Variants in CSMD1 observed in about 807,000 individuals in gnomAD.
CSMD1 encodes the protein CUB and sushi domain-containing protein 1.
In CSMD1, 213 loss-of-function variants were observed where a neutral mutation model predicts 417.5. That is an observed-to-expected ratio of 0.51 (90% CI 0.46 to 0.57). CSMD1 has a LOEUF of 0.57. CSMD1 is among the 20% of genes least tolerant of loss of function. The probability of loss-of-function intolerance (pLI) is 0.00; values close to 1 mark genes in which losing one functional copy is unlikely to be tolerated. For missense variants in CSMD1, 6,923 were observed against 4,529.7 expected (o/e 1.53, Z -15.17); for synonymous variants, 2,862 against 1,736.8 (o/e 1.65, Z -16.11).
chr8:4,936,876 G>C (rs951563357), intron 1 of CSMD1, among the ~76,000 whole-genome samples: 4 of 152,092 alleles, frequency 2.6e-5, no homozygotes, highest in Admixed American at 6.5e-5. Flanking sequence ...TAGGTTTTTT[G>C]TTCAAATTAT....
chr8:4,315,943 T>C (rs1255107824), intron 3 of CSMD1, among the ~76,000 whole-genome samples: 2 of 152,190 alleles, frequency 1.3e-5, no homozygotes, highest in African/African-American at 2.4e-5. Flanking sequence ...AACCTTCTCT[T>C]AACTCCTAAA....
intron 23 of CSMD1, among the ~76,000 whole-genome samples, chr8:3,322,453 A>G (rs946662798): frequency 1.3e-5 from 2 of 152,144 alleles, no homozygotes; most frequent in African/African-American, 4.8e-5. Context: ...AAATAGGCCT[A>G]TTTCATATAG....
chr8:3,050,378 G>C (rs950374123), intron 50 of CSMD1, among the ~76,000 whole-genome samples: 5 of 152,106 alleles, frequency 3.3e-5, no homozygotes, highest in African/African-American at 1.2e-4. Flanking sequence ...TAAGCTATTT[G>C]AAATATTTGG....
chr8:2,946,405 C>A (rs1011113228), intron 68 of CSMD1, among the ~76,000 whole-genome samples: 7 of 152,178 alleles, frequency 4.6e-5, no homozygotes, highest in Admixed American at 4.6e-4. Context: ...TTCATCCCAA[C>A]CTTCAACCCA....
chr8:3,528,841 GAA>G (rs1797861694), intron 10 of CSMD1, among the ~76,000 whole-genome samples: 1 of 152,144 alleles, frequency 6.6e-6, no homozygotes, highest in African/African-American at 2.4e-5. Flanking sequence ...TTAAACATAA[GAA>G]TGCCAACTAA....
chr8:3,478,211 C>T (rs2117229759), intron 11 of CSMD1, among the ~76,000 whole-genome samples: 1 of 152,300 alleles, frequency 6.6e-6, no homozygotes, highest in East Asian at 1.9e-4. Context: ...TTTACAATCG[C>T]TATTTTAAAT....
At chr8:4,879,732 G>C (rs1803276564) in intron 1 of CSMD1, among the ~76,000 whole-genome samples, 1 of 151,922 alleles carries the variant, frequency 6.6e-6, no homozygotes, top group Non-Finnish European at 1.5e-5. Context: ...AAAGGGATTG[G>C]GACTTTCATA....
intron 5 of CSMD1, among the ~76,000 whole-genome samples, chr8:3,857,572 T>C (rs1375283633): frequency 1.3e-5 from 2 of 152,192 alleles, no homozygotes; most frequent in Non-Finnish European, 2.9e-5. Context: ...ACACCTGTTC[T>C]GTTTCTACGC....
At chr8:4,588,430 A>T (rs2130722958) in intron 2 of CSMD1, among the ~76,000 whole-genome samples, 1 of 151,154 alleles carries the variant, frequency 6.6e-6, no homozygotes, top group African/African-American at 2.4e-5. Flanking sequence ...CTTCCTCTAG[A>T]TAGTACAGCC....
rs565111963 is a variant in CSMD1 at position 3,020,221 on chromosome 8, C to T, written c.7856-1571G>A. On this transcript the variant is annotated intron_variant, in intron 51 of 69. Coordinates refer to ENST00000635120, the MANE Select transcript of CSMD1 (RefSeq NM_033225.6). The stretch of plus-strand genomic sequence containing the variant: ...TTAGATTCAAACGGAAGCCATCCCT[C>T]GCACATAAGCAGGCTTAATCAGGGT... 4.6e-5 allele frequency among the ~76,000 whole-genome samples: 7 copies of T among 152,206 alleles called. No individual in the cohort carries two copies. In the South Asian group the frequency reaches 1.2e-3, roughly 27 times the overall value.
At chr8:4,062,044 C>T (rs1261490036) in intron 3 of CSMD1, among the ~76,000 whole-genome samples, 1 of 152,104 alleles carries the variant, frequency 6.6e-6, no homozygotes, top group East Asian at 1.9e-4. Flanking sequence ...GGTGAAAATG[C>T]AGAGTGCCAG....
chr8:4,282,743 A>G (rs1796856555), intron 3 of CSMD1, among the ~76,000 whole-genome samples: 1 of 152,196 alleles, frequency 6.6e-6, no homozygotes, highest in Non-Finnish European at 1.5e-5. Flanking sequence ...ACTTGTAGCA[A>G]TAGTATGTTT....
At chr8:4,603,059 T>C (rs1476288410) in intron 2 of CSMD1, among the ~76,000 whole-genome samples, 1 of 152,046 alleles carries the variant, frequency 6.6e-6, no homozygotes, top group Admixed American at 6.5e-5. Context: ...ACTAAAAGTA[T>C]AATTTGAATT....
At chr8:4,171,383 T>G (rs866982199) in intron 3 of CSMD1, among the ~76,000 whole-genome samples, 2 of 151,926 alleles carry the variant, frequency 1.3e-5, no homozygotes, top group Non-Finnish European at 2.9e-5. Context: ...CAATTTCTTA[T>G]GGTATTTATT....
chr8:3,399,194 C>T (rs932576011), intron 16 of CSMD1, among the ~76,000 whole-genome samples, 197 bp downstream of exon 16: 2 of 152,192 alleles, frequency 1.3e-5, no homozygotes, highest in African/African-American at 2.4e-5. Context: ...ACCTCCAGAG[C>T]ATTGGCTCAC....
intron 2 of CSMD1, among the ~76,000 whole-genome samples, chr8:4,450,780 G>A (rs1203051810): frequency 6.6e-6 from 1 of 152,112 alleles, no homozygotes; most frequent in African/African-American, 2.4e-5. Flanking sequence ...AGCAAGTATT[G>A]TATTTTCATT....
intron 5 of CSMD1, among the ~76,000 whole-genome samples, chr8:3,799,906 A>C (rs1800365957): frequency 6.6e-6 from 1 of 152,200 alleles, no homozygotes; most frequent in African/African-American, 2.4e-5. Context: ...TTGAAAAATT[A>C]ATGCAACTTT....
intron 52 of CSMD1, among the ~76,000 whole-genome samples, chr8:3,008,591 C>T (rs974031922): frequency 5.3e-5 from 8 of 151,956 alleles, no homozygotes; most frequent in Non-Finnish European, 1.2e-4. Context: ...CAGAAACTGG[C>T]TCCTGAACGA....
intron 9 of CSMD1, among the ~76,000 whole-genome samples, chr8:3,583,682 C>G (rs1800477783): frequency 6.6e-6 from 1 of 152,050 alleles, no homozygotes; most frequent in African/African-American, 2.4e-5. Flanking sequence ...TTTGAAACTT[C>G]TCAGCCTCTG....
Sources: allele counts gnomAD v4.1 joint callset (sites outside exome capture counted in the v4.1 genomes callset), GRCh38; gene constraint gnomAD v4.1.1; transcripts MANE v1.5; gene names NCBI Gene and HGNC (gene_info 2026-07-23, HGNC 2026-07-21).